Variants in SEC63 observed in about 807,000 individuals in gnomAD.
The protein encoded by SEC63 is SEC63 protein translocation regulator.
Under a neutral mutation model 116.2 loss-of-function variants are expected in SEC63, and 56 were observed. The ratio of observed to expected loss-of-function variants is 0.48; its 90% CI spans 0.39 to 0.60. The LOEUF (loss-of-function observed/expected upper bound fraction) is 0.60, where lower values mean the gene tolerates loss of function less well. SEC63 is among the 20% of genes least tolerant of loss of function. SEC63 has a pLI of 0.00. For synonymous variants in SEC63, 273 were observed against 294.6 expected (o/e 0.93, Z 0.75); for missense variants, 668 against 900.0 (o/e 0.74, Z 3.30).
At chr6:107,915,568 T>C (rs1171791255) in intron 4 of SEC63, among the ~76,000 whole-genome samples, 1 of 152,070 alleles carries the variant, frequency 6.6e-6, no homozygotes, top group African/African-American at 2.4e-5. Flanking sequence ...AAAATCTCAA[T>C]TCTATCTAGA....
chr6:107,913,268 T>G, intron 5 of SEC63, 98 bp downstream of exon 5: 1 of 859,138 alleles, frequency 1.2e-6, no homozygotes, highest in Admixed American at 1.9e-5. Flanking sequence ...CATGTGAGTA[T>G]AAGTTTAGTA....
At chr6:107,946,821 T>C (rs1457811452) in intron 1 of SEC63, among the ~76,000 whole-genome samples, 1 of 151,918 alleles carries the variant, frequency 6.6e-6, no homozygotes, top group Non-Finnish European at 1.5e-5. Context: ...CTGGCCAACA[T>C]GGAAAAACCC....
chr6:107,883,806 C>CAA lies in SEC63; in HGVS notation c.1675-662_1675-661dup, dbSNP rs1207049310. Among the ~76,000 whole-genome samples the CAA allele has an allele frequency of 4.3e-3, 592 of 138,150 alleles. 3 individuals are homozygous for CAA. The highest frequency in any genetic ancestry group is 0.015 in the African/African-American group (554 of 37,682). The allele number at this position is 138,150 out of a possible 152,430, so 90.6% of individuals were successfully genotyped here. ...TGGGTGACAGAGCAAGACCCTATCT[C>CAA]AAAAAAAAAAAGAAATAAAGAAAAG... is the stretch of plus-strand genomic sequence containing the variant. On this transcript the variant is annotated intron_variant, in intron 16 of 20. Coordinates refer to ENST00000369002, the MANE Select transcript of SEC63 (RefSeq NM_007214.5).
At position 107,958,140 on chromosome 6, in the gene SEC63, A is replaced by G. The variant is rs1284200587; in HGVS notation, c.-131T>C. 4 of 1,384,054 alleles carry G rather than the reference A, an allele frequency of 2.9e-6. No individual in the cohort carries two copies. In the South Asian group the frequency reaches 4.8e-5, roughly 17 times the overall value. 85.7% of individuals were successfully genotyped at this position (1,384,054 alleles called of 1,614,324 possible). A position where few individuals can be genotyped will look rare whatever the true frequency, so the allele number is the denominator to read the frequency against. ...GCCGCCGCCTCTCCTCCCCGCCCCC[A>G]CGCCACTCTCACGGACACGCCGCCG... On this transcript the variant is annotated 5_prime_UTR_variant, in exon 1 of 21. Coordinates refer to ENST00000369002, the MANE Select transcript of SEC63 (RefSeq NM_007214.5).
Position 107,921,727 on chromosome 6 carries a change from C to G in SEC63, c.452+70G>C, listed in dbSNP as rs556809986. Reference sequence around the variant, plus strand: ...TCAGCCTCCCAAAGTACTGGGATTACAGGCATGAACCACTGCACCTGGCTT... The same window carrying G: ...TCAGCCTCCCAAAGTACTGGGATTAGAGGCATGAACCACTGCACCTGGCTT... On this transcript the variant is annotated intron_variant, in intron 4 of 20. Coordinates refer to ENST00000369002, the MANE Select transcript of SEC63 (RefSeq NM_007214.5). 50 of 966,728 alleles carry G rather than the reference C, an allele frequency of 5.2e-5. No homozygotes were observed. The South Asian group carries it at 5.9e-4, about 11-fold the overall frequency. The allele number at this position is 966,728 out of a possible 1,614,324, so 59.9% of individuals were successfully genotyped here.
chr6:107,932,748 T>G (rs1251672776), intron 1 of SEC63, among the ~76,000 whole-genome samples: 1 of 152,152 alleles, frequency 6.6e-6, no homozygotes, highest in African/African-American at 2.4e-5. Flanking sequence ...CTCTATCTAC[T>G]AAGTGGGCCT....
At chr6:107,916,511 T>C (rs1266939410) in intron 4 of SEC63, among the ~76,000 whole-genome samples, 1 of 152,250 alleles carries the variant, frequency 6.6e-6, no homozygotes, top group African/African-American at 2.4e-5. Flanking sequence ...CTTTCACAAT[T>C]TGCTATTATA....
intron 1 of SEC63, among the ~76,000 whole-genome samples, chr6:107,949,026 A>G (rs1458824037): frequency 6.6e-6 from 1 of 152,212 alleles, no homozygotes; most frequent in Non-Finnish European, 1.5e-5. Flanking sequence ...TCCTCCAATT[A>G]ATCCACCTTG....
At chr6:107,889,049 TTC>T (rs1318286490) in intron 16 of SEC63, among the ~76,000 whole-genome samples, 1 of 152,182 alleles carries the variant, frequency 6.6e-6, no homozygotes, top group African/African-American at 2.4e-5. Context: ...GCCTGAAATT[TTC>T]TTTTTTTGTT....
rs909198319 is a variant in SEC63, at chr6:107,869,161, T to C, written c.*2543A>G. On this transcript the variant is annotated 3_prime_UTR_variant, in exon 21 of 21. Transcript: ENST00000369002. ...GGGAGAAGCAGAGCAGAAGGTATTG[T>C]TCTACACAGAGAACTTCACTCAATG... 5 of 152,008 alleles carry C rather than the reference T, an allele frequency of 3.3e-5. No individual in the cohort carries two copies. The highest frequency in any genetic ancestry group is 1.2e-4 in the African/African-American group (5 of 41,358). The allele number at this position is 152,008 out of a possible 1,614,324, so 9.4% of individuals were successfully genotyped here.
intron 2 of SEC63, among the ~76,000 whole-genome samples, chr6:107,927,358 G>A (rs1787699045): frequency 6.6e-6 from 1 of 152,228 alleles, no homozygotes; most frequent in East Asian, 1.9e-4. Flanking sequence ...GAGCCACCAC[G>A]CCCAGCCTGA....
chr6:107,952,442 C>CA (rs990882334), intron 1 of SEC63, among the ~76,000 whole-genome samples: 17 of 150,746 alleles, frequency 1.1e-4, no homozygotes, highest in Admixed American at 4.0e-4. Context: ...AGAAAACACA[C>CA]AAAAAAAAAC....
intron 16 of SEC63, among the ~76,000 whole-genome samples, chr6:107,890,140 A>G (rs984276088): frequency 6.6e-6 from 1 of 151,590 alleles, no homozygotes; most frequent in Admixed American, 6.6e-5. Context: ...TATCCTTGTT[A>G]ATTTTCTGTC....
chr6:107,955,732 G>A (rs905010780), intron 1 of SEC63, among the ~76,000 whole-genome samples: 1 of 151,740 alleles, frequency 6.6e-6, no homozygotes. Context: ...CTAAAAACAC[G>A]AAAATAAGCC....
intron 4 of SEC63, among the ~76,000 whole-genome samples, chr6:107,917,827 A>G (rs530732853): frequency 1.2e-4 from 19 of 152,342 alleles, no homozygotes; most frequent in African/African-American, 3.4e-4. Context: ...AAAAGAAACC[A>G]TCTCTACAAC....
chr6:107,904,674 C>A lies in SEC63; in HGVS notation c.1009G>T (p.Val337Phe). 6.2e-7 allele frequency: 1 copy of A among 1,613,968 alleles called. No individual in the cohort carries two copies. Among genetic ancestry groups the A allele is most frequent in the South Asian group, 1.1e-5 (1 of 91,074 alleles). Residue 337 changes from valine to phenylalanine, a missense_variant, in exon 11 of 21, where the codon GTT (valine) becomes TTT (phenylalanine). Physicochemically the swap from Val to Phe is conservative, Grantham distance 50 (BLOSUM62 -1). Around this residue, in one of 5 missense-constraint regions of SEC63, gnomAD observed 430 missense variants for 557.5 expected, o/e 0.77. Transcript: ENST00000369002. ...KKCPALLQEM[V>F]NVICQLIVMA... ...ACTATTAGTTGGCAGATTACATTAA[C>A]CATTTCTTGAAGTAGGGCAGGACAC...
rs948131064 is a variant in SEC63 at position 107,869,861 on chromosome 6, G to C, written c.*1843C>G. The C allele has an allele frequency of 6.8e-6, 1 of 147,250 alleles. No individual in the cohort carries two copies. The highest frequency in any genetic ancestry group is 1.5e-5 in the Non-Finnish European group (1 of 67,204). The allele number at this position is 147,250 out of a possible 1,614,324, so 9.1% of individuals were successfully genotyped here. On this transcript the variant is annotated 3_prime_UTR_variant, in exon 21 of 21. Transcript: ENST00000369002. ...TTAAAACCAGAGAAGCCAGCTGTGT[G>C]AATGAACTTATAAAGCCTCTTTAAG...
At chr6:107,875,236 A>G (rs1370916232) in intron 19 of SEC63, among the ~76,000 whole-genome samples, 3 of 152,182 alleles carry the variant, frequency 2.0e-5, no homozygotes, top group African/African-American at 7.2e-5. Context: ...CAAGTACCTC[A>G]AATGGTTCAG....
chr6:107,874,959 C>T (rs1031929361), intron 19 of SEC63, among the ~76,000 whole-genome samples: 1 of 152,288 alleles, frequency 6.6e-6, no homozygotes, highest in South Asian at 2.1e-4. Context: ...ATAATTATGC[C>T]ACATCAATGT....
Sources: allele counts gnomAD v4.1 joint callset (sites outside exome capture counted in the v4.1 genomes callset), GRCh38; gene constraint gnomAD v4.1.1; regional missense constraint gnomAD v4.1.1; transcripts MANE v1.5; gene names NCBI Gene and HGNC (gene_info 2026-07-23, HGNC 2026-07-21).